The following CEP63 variants were observed in gnomAD, a reference collection of about 807,000 sequenced individuals.
CEP63 encodes centrosomal protein of 63 kDa.
Under a neutral mutation model 89.1 loss-of-function variants are expected in CEP63, and 84 were observed. That is an observed-to-expected ratio of 0.94 (90% CI 0.79 to 1.13). The LOEUF (loss-of-function observed/expected upper bound fraction) is 1.13. Among genes scored for constraint, CEP63 ranks in the 50% most tolerant of loss-of-function variants. The probability of loss-of-function intolerance (pLI) is 0.00; values close to 1 mark genes in which losing one functional copy is unlikely to be tolerated. For synonymous variants in CEP63, 267 were observed against 272.5 expected, an observed-to-expected ratio of 0.98 and a Z score of 0.20; for missense variants, 838 against 813.3, an observed-to-expected ratio of 1.03 and a Z score of -0.37.
the CEP63 span, among the ~76,000 whole-genome samples, chr3:134,639,267 C>A: frequency 1.3e-3 from 198 of 151,968 alleles, 1 homozygote; most frequent in African/African-American, 4.4e-3. Flanking sequence ...GTGACAGGGA[C>A]TGTCTAGCTC....
the CEP63 span, among the ~76,000 whole-genome samples, chr3:134,770,359 G>T: frequency 1.3e-5 from 2 of 152,122 alleles, no homozygotes; most frequent in African/African-American, 4.8e-5. Context: ...ACTTTTTCTA[G>T]TTATGCTTTT....
At chr3:134,560,795 G>C (rs972191590) in intron 14 of CEP63, among the ~76,000 whole-genome samples, 4 of 152,112 alleles carry the variant, frequency 2.6e-5, no homozygotes, top group African/African-American at 9.7e-5. Flanking sequence ...AAAATTCTGT[G>C]TTTGCTAATT....
At chr3:134,584,650 AT>A (rs1958439251) in intron 10 of CEP63, among the ~76,000 whole-genome samples, 1 of 151,904 alleles carries the variant, frequency 6.6e-6, no homozygotes, top group South Asian at 2.1e-4. Flanking sequence ...CTTTCTTATT[AT>A]GTCTCTGCCA....
the CEP63 span, among the ~76,000 whole-genome samples, chr3:134,725,731 G>A: frequency 5.3e-5 from 8 of 152,196 alleles, no homozygotes; most frequent in African/African-American, 1.7e-4. Flanking sequence ...GCAGAGACAG[G>A]CCTCAGAGTT....
At chr3:134,554,616 G>T (rs1241818956) in intron 12 of CEP63, among the ~76,000 whole-genome samples, 2 of 150,770 alleles carry the variant, frequency 1.3e-5, no homozygotes, top group Non-Finnish European at 3.0e-5. Context: ...GGATGGCTGG[G>T]TCAAATGGTA....
the CEP63 span, among the ~76,000 whole-genome samples, chr3:134,612,751 CTGTGTGTGTG>C: frequency 1.2e-4 from 15 of 125,482 alleles, no homozygotes; most frequent in South Asian, 9.3e-4. Flanking sequence ...CACGCCGATG[CTGTGTGTGTG>C]TGTGTGTGTG....
At chr3:134,643,347 C>T in the CEP63 span, 1 of 1,613,956 alleles carries the variant, frequency 6.2e-7, no homozygotes, top group Non-Finnish European at 8.5e-7. Context: ...TGACCTGGGG[C>T]TGCTGAGGGT....
chr3:134,515,465 T>C (rs1425115150), intron 3 of CEP63, among the ~76,000 whole-genome samples: 2 of 152,174 alleles, frequency 1.3e-5, no homozygotes, highest in Non-Finnish European at 2.9e-5. Context: ...AGGTAAAATA[T>C]ATAACATGCA....
chr3:134,647,955 GC>G, the CEP63 span, among the ~76,000 whole-genome samples: 2 of 152,184 alleles, frequency 1.3e-5, no homozygotes, highest in South Asian at 4.1e-4. Context: ...AGTTCTCTTG[GC>G]CTCCCTTGCA....
At chr3:134,727,429 C>T in the CEP63 span, among the ~76,000 whole-genome samples, 436 of 152,306 alleles carry the variant, frequency 2.9e-3, 3 homozygotes, top group African/African-American at 1.0e-2. Flanking sequence ...CCTTTTCATC[C>T]AGATCTGGGT....
intron 3 of CEP63, among the ~76,000 whole-genome samples, chr3:134,524,429 A>G (rs1275494258): frequency 6.6e-6 from 1 of 152,164 alleles, no homozygotes; most frequent in Non-Finnish European, 1.5e-5. Flanking sequence ...TATGTTGAAT[A>G]GGAGTGGTGA....
At chr3:134,527,305 C>G (rs1948860629) in intron 3 of CEP63, among the ~76,000 whole-genome samples, 1 of 152,162 alleles carries the variant, frequency 6.6e-6, no homozygotes, top group South Asian at 2.1e-4. Context: ...AGTTGCAGGT[C>G]TGTGTGCCTT....
chr3:134,685,311 G>A, the CEP63 span, among the ~76,000 whole-genome samples: 2 of 152,066 alleles, frequency 1.3e-5, no homozygotes, highest in African/African-American at 2.4e-5. Flanking sequence ...CCCTTGCAGA[G>A]CTTTGGGCAG....
intron 3 of CEP63, among the ~76,000 whole-genome samples, chr3:134,521,429 TG>T (rs1173650077): frequency 4.9e-5 from 4 of 80,898 alleles, no homozygotes; most frequent in Non-Finnish European, 9.7e-5. Flanking sequence ...TTTTTTCCCA[TG>T]GGTATTCTGG....
the CEP63 span, among the ~76,000 whole-genome samples, chr3:134,751,410 A>G: frequency 3.9e-5 from 6 of 152,242 alleles, no homozygotes; most frequent in African/African-American, 1.2e-4. Context: ...GGCTAATTTG[A>G]TGCTTAACTT....
At chr3:134,760,528 C>T in the CEP63 span, among the ~76,000 whole-genome samples, 2 of 152,280 alleles carry the variant, frequency 1.3e-5, no homozygotes, top group South Asian at 4.1e-4. Context: ...AGCATGGTCC[C>T]AAGCTAGTGT....
chr3:134,488,943 G>A (rs949258678), intron 1 of CEP63, among the ~76,000 whole-genome samples: 6 of 151,998 alleles, frequency 3.9e-5, no homozygotes, highest in Non-Finnish European at 7.4e-5. Context: ...GGATCACGAG[G>A]TCAGGAGTTC....
In CEP63 at chr3:134,496,676, T is replaced by C. The variant is rs1193267767; in HGVS notation, c.44+1312T>C. Among the ~76,000 whole-genome samples the C allele has an allele frequency of 2.0e-5, 3 of 152,312 alleles. No individual in the cohort carries two copies. The East Asian group carries it at 5.8e-4, about 29-fold the overall frequency. ...ACTGATAGTGAAATATTGTGCCTGT[T>C]TATGTCATTATCTGATTGAGTGCAG... On this transcript the variant is annotated intron_variant, in intron 2 of 14. Transcript: ENST00000675561.
Position 134,546,321 on chromosome 3 carries a change from C to T in CEP63, c.929+33C>T. 3 of 1,580,980 alleles carry T rather than the reference C, an allele frequency of 1.9e-6. No homozygotes were observed. In the South Asian group the frequency reaches 3.3e-5, roughly 18 times the overall value. On this transcript the variant is annotated intron_variant, in intron 8 of 14. Transcript: ENST00000675561. ...TAATCTTAAATATTATTCATCTTAG[C>T]CACTTAATGACTAGGTATTAAGCAC...
Sources: gnomAD v4.1 joint callset for allele counts (sites outside exome capture counted in the v4.1 genomes callset) on GRCh38, gnomAD v4.1.1 for gene constraint, MANE v1.5 for transcripts, NCBI Gene and HGNC (gene_info 2026-07-23, HGNC 2026-07-21) for gene names.